The following FLRT1 variants were observed in gnomAD, a reference collection of about 807,000 sequenced individuals.
The protein encoded by FLRT1 is fibronectin leucine rich transmembrane protein 1.
Under a neutral mutation model 30.9 loss-of-function variants are expected in FLRT1, and 14 were observed. That is an observed-to-expected ratio of 0.45 (90% CI 0.30 to 0.71). The LOEUF is 0.71. Ranked by LOEUF, FLRT1 falls within the 30% of genes least tolerant of loss-of-function variation. FLRT1 has a pLI of 0.08. For synonymous variants in FLRT1, 368 were observed against 430.4 expected (o/e 0.85, Z 1.80); for missense variants, 737 against 949.2 (o/e 0.78, Z 2.94).
chr11:64,117,133 C>T lies in FLRT1; in HGVS notation c.866C>T (p.Thr289Met), dbSNP rs757875522. ...GCCATCAGCCACATCCCCTACAACA[C>T]GCTGGCCAAGATGCGTGAGCTGGAG... is the stretch of plus-strand genomic sequence containing the variant. The part of the protein sequence containing the change: ...DNAISHIPYN[T>M]LAKMRELERL... Residue 289 changes from threonine to methionine, a missense_variant, in exon 3 of 3, where the codon ACG (threonine) becomes ATG (methionine). By Grantham distance (81) the Thr-to-Met change is moderately conservative (BLOSUM62 -1). Transcript: ENST00000682287. The T allele has an allele frequency of 1.1e-5, 18 of 1,612,630 alleles. No homozygotes were observed. Among genetic ancestry groups the T allele is most frequent in the East Asian group, 2.2e-5 (1 of 44,832 alleles).
intron 2 of FLRT1, among the ~76,000 whole-genome samples, chr11:64,113,229 A>G (rs1944892546): frequency 6.6e-6 from 1 of 152,238 alleles, no homozygotes. Context: ...AATGACTTAA[A>G]TATTAGGAAA....
At chr11:64,040,491 A>G (rs1943464189) in intron 1 of FLRT1, among the ~76,000 whole-genome samples, 1 of 152,150 alleles carries the variant, frequency 6.6e-6, no homozygotes, top group Non-Finnish European at 1.5e-5. Context: ...CAGCTCTCTC[A>G]GGATTCCTGG....
intron 1 of FLRT1, among the ~76,000 whole-genome samples, chr11:64,057,861 C>T (rs1054276085): frequency 2.0e-5 from 3 of 152,198 alleles, no homozygotes; most frequent in African/African-American, 4.8e-5. Flanking sequence ...TTGTGGAAAC[C>T]GAGGCACGAA....
intron 2 of FLRT1, among the ~76,000 whole-genome samples, chr11:64,114,055 C>CATGGATGGATGG (rs61724501): frequency 5.1e-5 from 5 of 98,026 alleles, no homozygotes; most frequent in Non-Finnish European, 1.1e-4. Flanking sequence ...TGGGTTGATG[C>CATGGATGGATGG]ATGGATGGAT....
intron 1 of FLRT1, among the ~76,000 whole-genome samples, chr11:64,093,214 C>A (rs998311231): frequency 6.6e-6 from 1 of 152,210 alleles, no homozygotes; most frequent in East Asian, 1.9e-4. Context: ...CAACACAGGG[C>A]GGCCACTACT....
At chr11:64,078,593 G>C (rs993802318) in intron 1 of FLRT1, among the ~76,000 whole-genome samples, 2 of 152,176 alleles carry the variant, frequency 1.3e-5, no homozygotes, top group East Asian at 1.9e-4. Flanking sequence ...GGTCCCATGG[G>C]GGGTGGCCAC....
rs745327909 is a variant in FLRT1 at position 64,117,627 on chromosome 11, A to C, written c.1360A>C (p.Thr454Pro). The C allele has an allele frequency of 6.2e-6, 10 of 1,613,788 alleles. No homozygotes were observed. Among genetic ancestry groups the C allele is most frequent in the Non-Finnish European group, 8.5e-6 (10 of 1,180,016 alleles). ...KALTADSIRI[T>P]WKATLPASSF... ...CCTGACGGCAGACTCCATCCGCATC[A>C]CGTGGAAGGCCACGCTCCCCGCCTC... is the stretch of plus-strand genomic sequence containing the variant. The change falls in exon 3 of 3, where the codon ACG becomes CCG. Residue 454 changes from threonine to proline, a missense_variant. Thr to Pro is a conservative substitution (Grantham distance 38, BLOSUM62 -1). Coordinates refer to ENST00000682287, the MANE Select transcript of FLRT1 (RefSeq NM_013280.5).
chr11:64,116,490 A>G lies in FLRT1; in HGVS notation c.223A>G (p.Ile75Val), dbSNP rs370385785. 1.2e-6 allele frequency: 2 copies of G among 1,613,792 alleles called. No homozygotes were observed. The highest frequency in any genetic ancestry group is 2.2e-5 in the East Asian group (1 of 44,884). ...CTGCAACGACCGGGGACTCACATCC[A>G]TCCCCGCAGATATCCCTGATGATGC... ...IYCNDRGLTS[I>V]PADIPDDATT... The change falls in exon 3 of 3, where the codon ATC (isoleucine) becomes GTC (valine). Residue 75 changes from isoleucine to valine, a missense_variant. Physicochemically the swap from Ile to Val is conservative, Grantham distance 29. Coordinates refer to ENST00000682287, the MANE Select transcript of FLRT1 (RefSeq NM_013280.5).
At chr11:64,049,666 G>T (rs939281453) in intron 1 of FLRT1, among the ~76,000 whole-genome samples, 1 of 152,214 alleles carries the variant, frequency 6.6e-6, no homozygotes, top group Non-Finnish European at 1.5e-5. Flanking sequence ...GACGCTGGGG[G>T]TGCAGACAGA....
intron 1 of FLRT1, among the ~76,000 whole-genome samples, chr11:64,092,865 A>G (rs539682915): frequency 7.9e-5 from 12 of 152,370 alleles, no homozygotes; most frequent in African/African-American, 1.9e-4. Context: ...GACAAAGTCA[A>G]TGGGTAACCG....
At position 64,116,887 on chromosome 11, in the gene FLRT1, A is replaced by G. The variant is rs758629451; in HGVS notation, c.620A>G (p.Asp207Gly). The G allele has an allele frequency of 3.7e-6, 6 of 1,611,612 alleles. No homozygotes were observed. The East Asian group carries it at 1.3e-4, about 36-fold the overall frequency. Reference protein sequence around the residue: ...PHTLEELRLDDNRISTIPLHA... With the variant: ...PHTLEELRLDGNRISTIPLHA... The stretch of plus-strand genomic sequence containing the variant: ...ACGCTGGAGGAGCTGCGGCTGGATG[A>G]CAACCGCATCTCCACCATCCCGCTG... Residue 207 changes from aspartate (D) to glycine (G), a missense_variant, in exon 3 of 3, where the codon GAC becomes GGC. Physicochemically the swap from Asp to Gly is moderately conservative, Grantham distance 94. Transcript: ENST00000682287.
chr11:64,118,085 G>A lies in FLRT1; in HGVS notation c.1818G>A (p.Lys606=). Residue 606 remains lysine (K), a synonymous_variant, in exon 3 of 3, where the codon AAG becomes AAA. Coordinates refer to ENST00000682287, the MANE Select transcript of FLRT1 (RefSeq NM_013280.5). The part of the protein sequence containing the change: ...KKDDYMESGT[K]KDNSILEIRG... Reference sequence around the variant, plus strand: ...ATGACTATATGGAGTCAGGGACCAAGAAGGATAACTCCATCCTGGAAATCC... The same window carrying A: ...ATGACTATATGGAGTCAGGGACCAAAAAGGATAACTCCATCCTGGAAATCC... 1 of 1,612,316 alleles carries A rather than the reference G, an allele frequency of 6.2e-7. No homozygotes were observed. Among genetic ancestry groups the A allele is most frequent in the Non-Finnish European group, 8.5e-7 (1 of 1,178,794 alleles).
In FLRT1 at chr11:64,096,282, G is replaced by A. The variant is rs774405539; in HGVS notation, c.-1037-6912G>A. Among the ~76,000 whole-genome samples, 8 of 152,198 alleles carry A rather than the reference G, an allele frequency of 5.3e-5. No individual in the cohort carries two copies. The highest frequency in any genetic ancestry group is 1.0e-4 in the Non-Finnish European group (7 of 68,022). On this transcript the variant is annotated intron_variant, in intron 1 of 2. Coordinates refer to ENST00000682287, the MANE Select transcript of FLRT1 (RefSeq NM_013280.5). The surrounding 1 kb of genome is among the most constrained non-coding windows in gnomAD (Gnocchi z 4.6). ...CCAATTTCCTGAAAGAAGAGGTTCC[G>A]GCCTTGGCTGGTGGCGCCAGGTTCA...
At chr11:64,063,513 G>C (rs111341408) in intron 1 of FLRT1, among the ~76,000 whole-genome samples, 1 of 152,176 alleles carries the variant, frequency 6.6e-6, no homozygotes, top group Non-Finnish European at 1.5e-5. Flanking sequence ...TCCTGGCAAA[G>C]TCCCAGGTGC....
intron 1 of FLRT1, among the ~76,000 whole-genome samples, chr11:64,061,008 C>G (rs565009849): frequency 6.6e-6 from 1 of 152,158 alleles, no homozygotes; most frequent in Non-Finnish European, 1.5e-5. Flanking sequence ...CTTCCCCGAC[C>G]CAGGCATCCT....
chr11:64,047,999 G>A lies in FLRT1; in HGVS notation c.-1038+11840G>A, dbSNP rs181060377. 1.2e-4 allele frequency among the ~76,000 whole-genome samples: 19 copies of A among 152,140 alleles called. No homozygotes were observed. The East Asian group carries it at 3.7e-3, about 29-fold the overall frequency. On this transcript the variant is annotated intron_variant, in intron 1 of 2. Transcript: ENST00000682287. ...TGGATAGGAGCTTTCCCAGTGCCCT[G>A]TGTGCTGGGCCTGAGCCACCACTTC...
At chr11:64,085,443 C>G (rs1944376888) in intron 1 of FLRT1, among the ~76,000 whole-genome samples, 1 of 152,222 alleles carries the variant, frequency 6.6e-6, no homozygotes, top group African/African-American at 2.4e-5. Flanking sequence ...AGGCCAGGCC[C>G]AACCACGGGG....
At position 64,099,856 on chromosome 11, in the gene FLRT1, G is replaced by C. The variant is rs1222908053; in HGVS notation, c.-1037-3338G>C. Among the ~76,000 whole-genome samples the C allele has an allele frequency of 3.3e-5, 5 of 151,902 alleles. No homozygotes were observed. In the East Asian group the frequency reaches 9.6e-4, roughly 29 times the overall value. On this transcript the variant is annotated intron_variant, in intron 1 of 2. Transcript: ENST00000682287. The stretch of plus-strand genomic sequence containing the variant: ...GGATGGATGGATGGATGAATGAATA[G>C]AGAAATGGTGAGATGGAGGGATCGA...
chr11:64,054,273 A>G (rs1218410457), intron 1 of FLRT1, among the ~76,000 whole-genome samples: 1 of 152,202 alleles, frequency 6.6e-6, no homozygotes, highest in Non-Finnish European at 1.5e-5. Flanking sequence ...TCAAGTCATG[A>G]CAGGAGAGAT....
Sources: allele counts gnomAD v4.1 joint callset (sites outside exome capture counted in the v4.1 genomes callset), GRCh38; gene constraint gnomAD v4.1.1; non-coding constraint Gnocchi (gnomAD v3.1); transcripts MANE v1.5; gene names NCBI Gene and HGNC (gene_info 2026-07-23, HGNC 2026-07-21).